The following SENP7 variants were observed in gnomAD, a reference collection of about 807,000 sequenced individuals.
The protein encoded by SENP7 is SUMO specific peptidase 7.
In SENP7, 64 loss-of-function variants were observed where a neutral mutation model predicts 141.2. The observed-to-expected ratio is 0.45, with a 90% confidence interval of 0.37 to 0.56. The LOEUF is 0.56. Among genes scored for constraint, SENP7 ranks in the 20% least tolerant of loss-of-function variants. The pLI is 0.00. For missense variants in SENP7, 1,025 were observed against 1,212.2 expected (o/e 0.85, Z 2.29); for synonymous variants, 382 against 426.4 (o/e 0.90, Z 1.28).
chr3:101,372,903 A>AT (rs1459132084), intron 6 of SENP7, among the ~76,000 whole-genome samples: 2 of 152,104 alleles, frequency 1.3e-5, no homozygotes, highest in East Asian at 3.9e-4. Context: ...AGTGATATGT[A>AT]TTGGCATATT....
Position 101,332,164 on chromosome 3 carries a change from T to C in SENP7, c.2574-55A>G, listed in dbSNP as rs969466730. The C allele has an allele frequency of 2.6e-6, 4 of 1,536,536 alleles. No homozygotes were observed. The African/African-American group carries it at 4.1e-5, about 16-fold the overall frequency. On this transcript the variant is annotated intron_variant, in intron 18 of 23. Transcript: ENST00000394095. ...CATGCAAAGTCTAAACAACATATAATATATTCTAGAGATACATCTGAGAAA... is the reference window on the plus strand; with the variant it reads ...CATGCAAAGTCTAAACAACATATAACATATTCTAGAGATACATCTGAGAAA...
Position 101,380,161 on chromosome 3 carries a change from G to A in SENP7, c.678-8035C>T, listed in dbSNP as rs764888860. Among the ~76,000 whole-genome samples, 196 of 152,126 alleles carry A rather than the reference G, an allele frequency of 1.3e-3. 1 individual carries two copies. Among genetic ancestry groups the A allele is most frequent in the Non-Finnish European group, 2.3e-3 (158 of 68,022 alleles). Reference sequence around the variant, plus strand: ...TGAAAGTAGAATGGTGGCTGTCAGGGTTTAGGGGGAGAGAGGAATGAGGAG... The same window carrying A: ...TGAAAGTAGAATGGTGGCTGTCAGGATTTAGGGGGAGAGAGGAATGAGGAG... On this transcript the variant is annotated intron_variant, in intron 6 of 23. Coordinates refer to ENST00000394095, the MANE Select transcript of SENP7 (RefSeq NM_020654.5).
chr3:101,409,917 A>C (rs2061406740), intron 5 of SENP7, among the ~76,000 whole-genome samples: 1 of 152,226 alleles, frequency 6.6e-6, no homozygotes, highest in Non-Finnish European at 1.5e-5. Flanking sequence ...AATGCAATAA[A>C]AACAAAGTTA....
intron 1 of SENP7, among the ~76,000 whole-genome samples, chr3:101,511,176 A>G (rs75423812): frequency 6.6e-6 from 1 of 152,344 alleles, no homozygotes; most frequent in Non-Finnish European, 1.5e-5. Context: ...CTCTAGAGAT[A>G]TAACTAACGT....
chr3:101,405,808 T>C (rs1174780870), intron 5 of SENP7, among the ~76,000 whole-genome samples: 1 of 152,044 alleles, frequency 6.6e-6, no homozygotes, highest in African/African-American at 2.4e-5. Flanking sequence ...AGCAATAGAA[T>C]TGAACAAGTG....
chr3:101,415,482 T>C (rs1026719004), intron 5 of SENP7, among the ~76,000 whole-genome samples: 5 of 151,886 alleles, frequency 3.3e-5, no homozygotes, highest in African/African-American at 1.2e-4. Flanking sequence ...TATCTAGGAA[T>C]GAACAGTAAA....
chr3:101,384,780 A>G (rs2060605654), intron 6 of SENP7, among the ~76,000 whole-genome samples: 1 of 152,196 alleles, frequency 6.6e-6, no homozygotes, highest in Admixed American at 6.5e-5. Flanking sequence ...AAACTCAGGC[A>G]AAGAGGTCAC....
At chr3:101,476,343 T>C (rs2064216722) in intron 3 of SENP7, among the ~76,000 whole-genome samples, 1 of 150,838 alleles carries the variant, frequency 6.6e-6, no homozygotes, top group African/African-American at 2.4e-5. Flanking sequence ...AGTGAGAACA[T>C]GCAGTGTCTG....
chr3:101,371,987 A>C, intron 7 of SENP7, 21 bp downstream of exon 7: 1 of 1,099,552 alleles, frequency 9.1e-7, no homozygotes, highest in Non-Finnish European at 1.3e-6. Flanking sequence ...AAATTCCAAC[A>C]GTTTTCTAAG....
At chr3:101,429,193 C>G (rs1339670281) in intron 4 of SENP7, among the ~76,000 whole-genome samples, 1 of 139,256 alleles carries the variant, frequency 7.2e-6, no homozygotes, top group Non-Finnish European at 1.6e-5. Flanking sequence ...TGGTTCCATA[C>G]GAAATTTAAA....
intron 3 of SENP7, among the ~76,000 whole-genome samples, chr3:101,488,354 T>G (rs960554755): frequency 2.6e-5 from 4 of 152,342 alleles, no homozygotes; most frequent in Non-Finnish European, 4.4e-5. Context: ...TTCTAGGAAC[T>G]CTTCATCAGA....
At chr3:101,383,808 T>A (rs180737900) in intron 6 of SENP7, among the ~76,000 whole-genome samples, 2 of 152,040 alleles carry the variant, frequency 1.3e-5, no homozygotes, top group African/African-American at 4.8e-5. Context: ...GGATAGGAGG[T>A]TGATGGCAGT....
At chr3:101,391,171 G>A (rs1406328133) in intron 6 of SENP7, among the ~76,000 whole-genome samples, 3 of 151,586 alleles carry the variant, frequency 2.0e-5, no homozygotes, top group Non-Finnish European at 4.4e-5. Flanking sequence ...ACCAAATGAT[G>A]CATCTCAAAA....
At chr3:101,481,111 A>C (rs538996457) in intron 3 of SENP7, among the ~76,000 whole-genome samples, 1 of 151,980 alleles carries the variant, frequency 6.6e-6, no homozygotes, top group South Asian at 2.1e-4. Flanking sequence ...GAACTAACCC[A>C]TGATACAGTA....
intron 4 of SENP7, among the ~76,000 whole-genome samples, chr3:101,439,976 C>T (rs771595039): frequency 5.2e-4 from 44 of 85,044 alleles, no homozygotes; most frequent in African/African-American, 1.3e-3. Context: ...CCCGGCCAGC[C>T]GCCCCGTCTG....
At chr3:101,479,345 T>C (rs921184527) in intron 3 of SENP7, among the ~76,000 whole-genome samples, 13 of 152,214 alleles carry the variant, frequency 8.5e-5, no homozygotes, top group Admixed American at 7.8e-4. Flanking sequence ...CTGGGTGCAG[T>C]GGCTCACGCC....
At chr3:101,338,010 G>A (rs1415982793) in intron 16 of SENP7, among the ~76,000 whole-genome samples, 2 of 151,990 alleles carry the variant, frequency 1.3e-5, no homozygotes, top group Non-Finnish European at 2.9e-5. Context: ...AAAATTAGCT[G>A]GGTGTGGTGG....
intron 5 of SENP7, among the ~76,000 whole-genome samples, chr3:101,406,155 T>C (rs2107609054): frequency 6.6e-6 from 1 of 152,298 alleles, no homozygotes; most frequent in Non-Finnish European, 1.5e-5. Flanking sequence ...TGTTGCACTA[T>C]TCACAATAGC....
At chr3:101,451,777 G>A (rs950629768) in intron 4 of SENP7, among the ~76,000 whole-genome samples, 51 of 152,170 alleles carry the variant, frequency 3.4e-4, no homozygotes, top group Non-Finnish European at 6.9e-4. Flanking sequence ...GCAAAAACTG[G>A]AAGCATTCCC....
Sources: gnomAD v4.1 joint callset for allele counts (sites outside exome capture counted in the v4.1 genomes callset) on GRCh38, gnomAD v4.1.1 for gene constraint, MANE v1.5 for transcripts, NCBI Gene and HGNC (gene_info 2026-07-23, HGNC 2026-07-21) for gene names.